The following NAALADL2 variants were observed in gnomAD, a reference collection of about 807,000 sequenced individuals.
The protein encoded by NAALADL2 is inactive N-acetylated-alpha-linked acidic dipeptidase-like protein 2.
A neutral mutation model predicts 87.2 loss-of-function variants in NAALADL2; 76 were observed. The observed-to-expected ratio is 0.87, with a 90% confidence interval of 0.72 to 1.05. NAALADL2 has a LOEUF of 1.05. Ranked by LOEUF, NAALADL2 falls within the 50% of genes least tolerant of loss-of-function variation. NAALADL2 has a pLI of 0.00. For missense variants in NAALADL2, 1,089 were observed against 945.8 expected, an observed-to-expected ratio of 1.15 and a Z score of -1.99; for synonymous variants, 354 against 331.0, an observed-to-expected ratio of 1.07 and a Z score of -0.75.
chr3:174,768,251 A>G (rs902078585), intron 3 of NAALADL2, among the ~76,000 whole-genome samples: 1 of 152,214 alleles, frequency 6.6e-6, no homozygotes, highest in Non-Finnish European at 1.5e-5. Flanking sequence ...TGAGTAAATC[A>G]TATCATGAAT....
At chr3:175,278,119 C>T (rs1361899777) in intron 4 of NAALADL2, among the ~76,000 whole-genome samples, 1 of 152,112 alleles carries the variant, frequency 6.6e-6, no homozygotes, top group African/African-American at 2.4e-5. Context: ...AAGCGAGACT[C>T]CGTCTCAATA....
rs140057006 is a variant in NAALADL2, at chr3:174,701,940, T to C, written c.-114-35701T>C. Among the ~76,000 whole-genome samples the C allele has an allele frequency of 3.9e-5, 6 of 152,324 alleles. No homozygotes were observed. In the East Asian group the frequency reaches 1.2e-3, roughly 29 times the overall value. On this transcript the variant is annotated intron_variant, in intron 2 of 3. Coordinates refer to the NAALADL2 transcript ENST00000434257. ...TTGTATAGACATGTATGTTTATTTCTCTTAAATAAACACATAGGAATAGAA... is the reference window on the plus strand; with the variant it reads ...TTGTATAGACATGTATGTTTATTTCCCTTAAATAAACACATAGGAATAGAA...
chr3:174,617,513 C>T (rs900801805), intron 2 of NAALADL2, among the ~76,000 whole-genome samples: 8 of 151,418 alleles, frequency 5.3e-5, no homozygotes, highest in African/African-American at 1.7e-4. Flanking sequence ...TTTTATATTG[C>T]ATGGGATTGA....
At chr3:174,558,638 G>T (rs1011713524) in intron 2 of NAALADL2, among the ~76,000 whole-genome samples, 9 of 152,026 alleles carry the variant, frequency 5.9e-5, no homozygotes, top group African/African-American at 1.7e-4. Context: ...AGGGGGAGAA[G>T]CTCAGGCCAT....
intron 2 of NAALADL2, among the ~76,000 whole-genome samples, chr3:174,632,685 C>T (rs1039268169): frequency 7.9e-5 from 12 of 151,966 alleles, no homozygotes; most frequent in African/African-American, 2.2e-4. Context: ...CCTGTAATCC[C>T]AGCACTTTGG....
At chr3:175,785,159 G>A (rs1278949994) in intron 13 of NAALADL2, among the ~76,000 whole-genome samples, 1 of 150,568 alleles carries the variant, frequency 6.6e-6, no homozygotes, top group African/African-American at 2.5e-5. Context: ...GTGGTGTGGT[G>A]CTGTAAAAAA....
chr3:175,166,234 AT>A (rs1414777718), intron 2 of NAALADL2, among the ~76,000 whole-genome samples: 2 of 152,050 alleles, frequency 1.3e-5, no homozygotes, highest in African/African-American at 4.8e-5. Flanking sequence ...TCCCAATTCA[AT>A]TGCACATAAA....
intron 2 of NAALADL2, among the ~76,000 whole-genome samples, chr3:175,101,939 A>G (rs1449234556): frequency 6.6e-6 from 1 of 151,912 alleles, no homozygotes; most frequent in Non-Finnish European, 1.5e-5. Flanking sequence ...TAAAGTAAAA[A>G]CCATCCATAA....
rs113806607 is a variant in NAALADL2, at chr3:175,343,655, G to GTTTTTTTTTTTTTTTTTTTTTTTTTTTT, written c.1090+19351_1090+19352insTTTTTTTTTTTTTTTTTTTTTTTTTTTT. Among the ~76,000 whole-genome samples, 54 of 64,700 alleles carry GTTTTTTTTTTTTTTTTTTTTTTTTTTTT rather than the reference G, an allele frequency of 8.3e-4. 11 individuals are homozygous for GTTTTTTTTTTTTTTTTTTTTTTTTTTTT. Among genetic ancestry groups the GTTTTTTTTTTTTTTTTTTTTTTTTTTTT allele is most frequent in the South Asian group, 1.4e-3 (2 of 1,466 alleles). 42.4% of individuals were successfully genotyped at this position (64,700 alleles called of 152,430 possible). ...TGGAGTTCCTGTGTGTCTTGATCAT[G>GTTTTTTTTTTTTTTTTTTTTTTTTTTTT]TTTTTTTTTTTTTTTTTTTTTCCCT... On this transcript the variant is annotated intron_variant, in intron 5 of 13. Transcript: ENST00000454872.
In NAALADL2 at chr3:175,256,557, G is replaced by A. The variant is rs778431565; in HGVS notation, c.939+27G>A. On this transcript the variant is annotated intron_variant, in intron 4 of 13. Coordinates refer to ENST00000454872, the MANE Select transcript of NAALADL2 (RefSeq NM_207015.3). ...TTGGTCCAGTGAATGTTATTCAGTG[G>A]TTTGGTCAATATTTTGCCTTGTTTT... 3.7e-6 allele frequency: 6 copies of A among 1,602,002 alleles called. No homozygotes were observed. In the African/African-American group the frequency reaches 5.4e-5, roughly 14 times the overall value.
At chr3:174,905,913 C>T (rs1424233296) in intron 1 of NAALADL2, among the ~76,000 whole-genome samples, 4 of 152,022 alleles carry the variant, frequency 2.6e-5, no homozygotes, top group African/African-American at 7.2e-5. Flanking sequence ...CTGAGTTGCA[C>T]CTGGATATTA....
intron 1 of NAALADL2, among the ~76,000 whole-genome samples, chr3:174,921,824 A>T (rs1560367218): frequency 7.9e-6 from 1 of 127,256 alleles, no homozygotes; most frequent in African/African-American, 3.3e-5. Flanking sequence ...AAAAAAAAGA[A>T]AAAGAAAAAG....
rs536827619 is a variant in NAALADL2 at position 174,948,066 on chromosome 3, C to T, written c.43+88616C>T. Among the ~76,000 whole-genome samples the T allele has an allele frequency of 9.2e-4, 140 of 152,070 alleles. 1 individual carries two copies. Among genetic ancestry groups the T allele is most frequent in the African/African-American group, 3.2e-3 (134 of 41,492 alleles). On this transcript the variant is annotated intron_variant, in intron 1 of 13. Coordinates refer to ENST00000454872, the MANE Select transcript of NAALADL2 (RefSeq NM_207015.3). ...ATTGTTAATTTTTGCCAGTTAAACC[C>T]GTAACTAAATTTAATTCTTTAAAAT...
In NAALADL2 at chr3:175,348,275, T is replaced by C. The variant is rs567025081; in HGVS notation, c.1090+23950T>C. On this transcript the variant is annotated intron_variant, in intron 5 of 13. Coordinates refer to ENST00000454872, the MANE Select transcript of NAALADL2 (RefSeq NM_207015.3). ...CATGTTGGACAGGCTGGTCCTGAAC[T>C]CCCAACCTCAGGTGATCTGCCCGCC... Among the ~76,000 whole-genome samples, 14 of 152,234 alleles carry C rather than the reference T, an allele frequency of 9.2e-5. No homozygotes were observed. The South Asian group carries it at 2.7e-3, about 29-fold the overall frequency.
intron 1 of NAALADL2, among the ~76,000 whole-genome samples, chr3:174,962,424 T>TGTGTCATAGTGACTATGAC (rs1742236209): frequency 7.0e-6 from 1 of 142,254 alleles, no homozygotes; most frequent in African/African-American, 2.6e-5. Context: ...TATATATATA[T>TGTGTCATAGTGACTATGAC]ATATATATGT....
At chr3:175,488,206 T>G (rs1179990254) in intron 9 of NAALADL2, among the ~76,000 whole-genome samples, 2 of 152,244 alleles carry the variant, frequency 1.3e-5, no homozygotes, top group African/African-American at 4.8e-5. Flanking sequence ...TTGTTATTCT[T>G]TCAAAAGAAA....
intron 2 of NAALADL2, among the ~76,000 whole-genome samples, chr3:175,221,381 T>C (rs985862541): frequency 6.6e-6 from 1 of 152,146 alleles, no homozygotes; most frequent in Non-Finnish European, 1.5e-5. Context: ...TCGAAGTGTA[T>C]TGAGACTTGC....
intron 2 of NAALADL2, among the ~76,000 whole-genome samples, chr3:175,231,089 A>G (rs1210250680): frequency 1.3e-5 from 2 of 152,002 alleles, no homozygotes; most frequent in African/African-American, 2.4e-5. Context: ...AAGTATGAAA[A>G]CCATATATAA....
chr3:175,279,099 CT>C (rs1393660906), intron 4 of NAALADL2, among the ~76,000 whole-genome samples: 1 of 152,060 alleles, frequency 6.6e-6, no homozygotes, highest in African/African-American at 2.4e-5. Flanking sequence ...GCAATTAGAG[CT>C]GTATTTTGTT....
Sources: allele counts gnomAD v4.1 joint callset (sites outside exome capture counted in the v4.1 genomes callset), GRCh38; gene constraint gnomAD v4.1.1; transcripts MANE v1.5; gene names NCBI Gene and HGNC (gene_info 2026-07-23, HGNC 2026-07-21).